The following GRIK2 variants were observed in gnomAD, a reference collection of about 807,000 sequenced individuals.
GRIK2 encodes the protein glutamate ionotropic receptor kainate type subunit 2.
In GRIK2, 32 loss-of-function variants were observed where a neutral mutation model predicts 100.3. That is an observed-to-expected ratio of 0.32 (90% CI 0.24 to 0.43). The LOEUF is 0.43. GRIK2 is among the 20% of genes least tolerant of loss of function. GRIK2 has a pLI of 1.00. For missense variants in GRIK2, 843 were observed against 1,114.9 expected (o/e 0.76, Z 3.47); for synonymous variants, 417 against 389.4 (o/e 1.07, Z -0.83).
At chr6:101,655,154 A>G (rs886557260) in intron 4 of GRIK2, among the ~76,000 whole-genome samples, 2 of 152,142 alleles carry the variant, frequency 1.3e-5, no homozygotes, top group African/African-American at 2.4e-5. Flanking sequence ...CCTAAAGCTC[A>G]AGTTCATAGG....
intron 1 of GRIK2, among the ~76,000 whole-genome samples, chr6:101,397,344 G>A (rs183310500): frequency 2.0e-3 from 304 of 152,276 alleles, no homozygotes; most frequent in Non-Finnish European, 2.7e-3. Flanking sequence ...AAGACAGAAC[G>A]TGTTGGGCTG....
intron 3 of GRIK2, among the ~76,000 whole-genome samples, chr6:101,623,246 C>T (rs1267555607): frequency 6.6e-6 from 1 of 151,934 alleles, no homozygotes; most frequent in African/African-American, 2.4e-5. Flanking sequence ...CTTCTTTTCC[C>T]CCAGCAGCTA....
rs555794634 is a variant in GRIK2 at position 101,805,824 on chromosome 6, G to T, written c.1203+3386G>T. Among the ~76,000 whole-genome samples the T allele has an allele frequency of 3.3e-5, 5 of 152,144 alleles. No homozygotes were observed. In the South Asian group the frequency reaches 1.0e-3, roughly 31 times the overall value. ...AACTTCAGGATGAAAACAGTTAACA[G>T]GAAGGAAGTCTATGCTTCTGTTGTT... is the stretch of plus-strand genomic sequence containing the variant. On this transcript the variant is annotated intron_variant, in intron 9 of 16. Transcript: ENST00000369134.
intron 2 of GRIK2, chr6:101,430,694 A>G (rs964347085): frequency 5.8e-6 from 1 of 171,470 alleles, no homozygotes; most frequent in Non-Finnish European, 1.3e-5. Context: ...CATTCTCAGG[A>G]AAAAGGAAAA....
chr6:101,487,279 A>G lies in GRIK2; in HGVS notation c.115+87887A>G, dbSNP rs530548117. On this transcript the variant is annotated intron_variant, in intron 2 of 16. Transcript: ENST00000369134. ...CTTATGAACCATGAGTTTTATTTCC[A>G]TGAAACACTGGTCTAAAAGTTCAAA... 2.5e-4 allele frequency among the ~76,000 whole-genome samples: 36 copies of G among 146,540 alleles called. 4 individuals carry two copies. Among genetic ancestry groups the G allele is most frequent in the South Asian group, 8.7e-4 (4 of 4,608 alleles).
At chr6:101,567,567 T>G (rs1288703029) in intron 2 of GRIK2, among the ~76,000 whole-genome samples, 1 of 152,002 alleles carries the variant, frequency 6.6e-6, no homozygotes, top group Non-Finnish European at 1.5e-5. Context: ...TAACATCCTG[T>G]TTCATAAACT....
At chr6:101,814,926 A>G (rs1247007885) in intron 9 of GRIK2, among the ~76,000 whole-genome samples, 1 of 152,216 alleles carries the variant, frequency 6.6e-6, no homozygotes, top group South Asian at 2.1e-4. Context: ...TAAACACACT[A>G]TGTTGAATAC....
chr6:101,913,820 T>A (rs1200653350), intron 12 of GRIK2, among the ~76,000 whole-genome samples: 4 of 151,586 alleles, frequency 2.6e-5, no homozygotes, highest in African/African-American at 9.7e-5. Context: ...ATATTTTTGA[T>A]CTATTTAGAT....
chr6:101,801,736 G>T (rs763024160), intron 8 of GRIK2, among the ~76,000 whole-genome samples: 5 of 151,770 alleles, frequency 3.3e-5, no homozygotes, highest in South Asian at 2.1e-4. Context: ...ACCTTTTAGG[G>T]TTGAACATAT....
intron 2 of GRIK2, among the ~76,000 whole-genome samples, chr6:101,459,087 G>A (rs1340331085): frequency 1.5e-5 from 2 of 131,086 alleles, no homozygotes; most frequent in Non-Finnish European, 3.2e-5. Flanking sequence ...AGGCGCTAAA[G>A]CTAAGGTCCC....
At chr6:102,048,702 G>A (rs1771024890) in intron 15 of GRIK2, among the ~76,000 whole-genome samples, 1 of 152,176 alleles carries the variant, frequency 6.6e-6, no homozygotes. Flanking sequence ...TAATGTATTG[G>A]AGTAATGACA....
intron 14 of GRIK2, among the ~76,000 whole-genome samples, chr6:101,992,222 G>A (rs371787636): frequency 1.4e-3 from 212 of 151,624 alleles, no homozygotes; most frequent in Non-Finnish European, 2.4e-3. Flanking sequence ...TCAGGATGTT[G>A]CTCCCAAGGA....
chr6:102,034,719 G>C (rs9498814), intron 14 of GRIK2, among the ~76,000 whole-genome samples: 12,417 of 151,358 alleles, frequency 0.082, 1,716 homozygotes, highest in African/African-American at 0.29. Flanking sequence ...GATTTCTGAA[G>C]TCCAGCTTAA....
At chr6:101,887,636 G>A (rs1406471496) in intron 11 of GRIK2, among the ~76,000 whole-genome samples, 3 of 152,108 alleles carry the variant, frequency 2.0e-5, no homozygotes, top group African/African-American at 7.2e-5. Context: ...AGCTGTATAG[G>A]AAGCATGGCT....
intron 15 of GRIK2, among the ~76,000 whole-genome samples, chr6:102,053,054 C>T (rs573208765): frequency 3.5e-4 from 53 of 150,556 alleles, no homozygotes; most frequent in Non-Finnish European, 6.6e-4. Context: ...GGTGAAAGAG[C>T]GAGACTCTGT....
chr6:101,945,757 C>T (rs2852595), intron 14 of GRIK2, among the ~76,000 whole-genome samples: 5,222 of 152,134 alleles, frequency 0.034, 320 homozygotes, highest in African/African-American at 0.12. Context: ...TTTCTCTTTA[C>T]TTTTTACTTA....
chr6:101,421,482 T>C (rs1010257584), intron 2 of GRIK2, among the ~76,000 whole-genome samples: 16 of 152,204 alleles, frequency 1.1e-4, no homozygotes, highest in African/African-American at 3.9e-4. Flanking sequence ...TGCTCCTTAA[T>C]ATATGTTCAT....
At chr6:102,005,468 T>G (rs1342421584) in intron 14 of GRIK2, among the ~76,000 whole-genome samples, 1 of 152,088 alleles carries the variant, frequency 6.6e-6, no homozygotes, top group Non-Finnish European at 1.5e-5. Flanking sequence ...AGTGTGATTC[T>G]TGGCCAAGAA....
chr6:101,462,478 A>G (rs941661591), intron 2 of GRIK2, among the ~76,000 whole-genome samples: 2 of 55,502 alleles, frequency 3.6e-5, no homozygotes, highest in African/African-American at 8.3e-5. Flanking sequence ...ACTACTCTAA[A>G]AAAGACCAGG....
Sources: allele counts gnomAD v4.1 joint callset (sites outside exome capture counted in the v4.1 genomes callset), GRCh38; gene constraint gnomAD v4.1.1; transcripts MANE v1.5; gene names NCBI Gene and HGNC (gene_info 2026-07-23, HGNC 2026-07-21).